The following MYO9A variants were observed in gnomAD, a reference collection of about 807,000 sequenced individuals.
MYO9A encodes unconventional myosin-IXa.
A neutral mutation model predicts 293.3 loss-of-function variants in MYO9A; 103 were observed. The ratio of observed to expected loss-of-function variants is 0.35; its 90% CI spans 0.30 to 0.41. The LOEUF (loss-of-function observed/expected upper bound fraction) is 0.41, where lower values mean the gene tolerates loss of function less well. MYO9A is among the 10% of genes least tolerant of loss of function. The probability of loss-of-function intolerance (pLI) is 1.00; values close to 1 mark genes in which losing one functional copy is unlikely to be tolerated. For missense variants in MYO9A, 2,685 were observed against 3,033.0 expected (o/e 0.89, Z 2.69); for synonymous variants, 1,001 against 1,035.7 (o/e 0.97, Z 0.64).
intron 39 of MYO9A, among the ~76,000 whole-genome samples, chr15:71,845,943 C>T (rs1448428311): frequency 1.3e-5 from 2 of 152,062 alleles, no homozygotes; most frequent in South Asian, 2.1e-4. Flanking sequence ...TTCTTGAGTA[C>T]GTGGTTTGAA....
chr15:71,826,456 A>G lies in MYO9A; in HGVS notation c.*124T>C. On this transcript the variant is annotated 3_prime_UTR_variant, in exon 42 of 42. Coordinates refer to ENST00000356056, the MANE Select transcript of MYO9A (RefSeq NM_006901.4). ...ATTCAGCACATACAGTCTTAGCCAT[A>G]TGCTTAGAAAAGAGGCAGGACCACA... 2 of 948,790 alleles carry G rather than the reference A, an allele frequency of 2.1e-6. No individual in the cohort carries two copies. The highest frequency in any genetic ancestry group is 2.5e-5 in the East Asian group (1 of 39,702). The allele number at this position is 948,790 out of a possible 1,614,324, so 58.8% of individuals were successfully genotyped here. A position where few individuals can be genotyped will look rare whatever the true frequency, so the allele number is the denominator to read the frequency against.
rs1422231204 is a variant in MYO9A, at chr15:72,010,372, A to C, written c.1231T>G (p.Phe411Val). Residue 411 changes from phenylalanine (F) to valine (V), a missense_variant, in exon 7 of 42, where the codon TTT (phenylalanine) becomes GTT (valine). This residue lies in a region of MYO9A where 289 missense variants were observed against 456.8 expected (regional missense o/e 0.63). Coordinates refer to ENST00000356056, the MANE Select transcript of MYO9A (RefSeq NM_006901.4). ...RLQLAMEMVG[F>V]LPKTRRQIFS... ...CACTGTCTTCGTGTCTTGGGAAGAA[A>C]TCCTACCATTTCCATGGCAAGTTGT... is the stretch of plus-strand genomic sequence containing the variant. The C allele has an allele frequency of 6.2e-7, 1 of 1,613,610 alleles. No homozygotes were observed. The highest frequency in any genetic ancestry group is 1.1e-5 in the South Asian group (1 of 91,010).
intron 1 of MYO9A, among the ~76,000 whole-genome samples, chr15:72,057,746 C>T (rs2078762367): frequency 6.6e-6 from 1 of 152,198 alleles, no homozygotes; most frequent in African/African-American, 2.4e-5. Context: ...TAAAAGAAGG[C>T]TCTGCAATAA....
Position 71,979,231 on chromosome 15 carries a change from G to A in MYO9A, c.1723-939C>T, listed in dbSNP as rs896750424. On this transcript the variant is annotated intron_variant, in intron 11 of 41. Transcript: ENST00000356056. ...AACTATAGTTACTCTAACTAGGAAA[G>A]GTAAATACTTAATTCTTTTCTTTTA... 4.6e-5 allele frequency among the ~76,000 whole-genome samples: 7 copies of A among 151,806 alleles called. No individual in the cohort carries two copies. In the South Asian group the frequency reaches 6.3e-4, roughly 14 times the overall value.
At chr15:71,999,510 A>T (rs1028319184) in intron 9 of MYO9A, among the ~76,000 whole-genome samples, 1 of 152,160 alleles carries the variant, frequency 6.6e-6, no homozygotes, top group African/African-American at 2.4e-5. Flanking sequence ...ATGATGTGCT[A>T]GAAGAAACTG....
At chr15:71,959,563 A>G in intron 14 of MYO9A, 1 of 184,860 alleles carries the variant, frequency 5.4e-6, no homozygotes, top group Non-Finnish European at 1.1e-5. Context: ...TTGAAGGGGG[A>G]GGCATACAGA....
chr15:71,956,330 A>AAAAAATATATATATATATAT (rs10642655), intron 14 of MYO9A, among the ~76,000 whole-genome samples: 2 of 75,584 alleles, frequency 2.6e-5, no homozygotes, highest in Non-Finnish European at 4.6e-5. Flanking sequence ...AAAAAAAAAA[A>AAAAAATATATATATATATAT]ATATATATAT....
At chr15:72,099,903 T>C (rs8038968) in intron 1 of MYO9A, among the ~76,000 whole-genome samples, 112,956 of 121,598 alleles carry the variant, frequency 0.93, 53,194 homozygotes, top group South Asian at 1. Flanking sequence ...GAGCAAGACT[T>C]GGTCTCAAAA....
intron 1 of MYO9A, among the ~76,000 whole-genome samples, chr15:72,085,346 T>C (rs2079683625): frequency 2.0e-5 from 3 of 151,644 alleles, no homozygotes; most frequent in African/African-American, 7.3e-5. Context: ...TGAGCCAAGA[T>C]TGAGCCACTG....
chr15:71,872,169 C>T (rs1239503193), intron 32 of MYO9A, among the ~76,000 whole-genome samples: 1 of 151,524 alleles, frequency 6.6e-6, no homozygotes, highest in African/African-American at 2.4e-5. Flanking sequence ...CATAATGGCA[C>T]AAAAAGATTG....
chr15:71,934,085 T>TA (rs1051707710), intron 17 of MYO9A, among the ~76,000 whole-genome samples: 3 of 152,082 alleles, frequency 2.0e-5, no homozygotes, highest in African/African-American at 4.8e-5. Context: ...TCATAAATTT[T>TA]AAAAAAACGT....
At chr15:72,058,923 T>A (rs1191327453) in intron 1 of MYO9A, among the ~76,000 whole-genome samples, 1 of 152,200 alleles carries the variant, frequency 6.6e-6, no homozygotes, top group Admixed American at 6.5e-5. Context: ...TGTGCAGTGT[T>A]CTGCAGTGTG....
Position 71,893,314 on chromosome 15 carries a change from C to T in MYO9A, c.5142+365G>A, listed in dbSNP as rs535435758. On this transcript the variant is annotated intron_variant, in intron 26 of 41. Coordinates refer to ENST00000356056, the MANE Select transcript of MYO9A (RefSeq NM_006901.4). ...CCTCCACCCAACCATGCCCTTTCCA[C>T]TAGCAGAAGTGACAGGGATGACCAA... The T allele has an allele frequency of 8.8e-5, 53 of 601,516 alleles. No homozygotes were observed. In the African/African-American group the frequency reaches 9.7e-4, roughly 11 times the overall value. The allele number at this position is 601,516 out of a possible 1,614,324, so 37.3% of individuals were successfully genotyped here. A position where few individuals can be genotyped will look rare whatever the true frequency, so the allele number is the denominator to read the frequency against.
Position 71,991,146 on chromosome 15 carries a change from C to T in MYO9A, c.1679G>A (p.Arg560His), listed in dbSNP as rs752228057. ...ATGCTGATTAAAGTAGTGCTGTAAA[C>T]GTTCATTAGCAAAATTAATACAGAA... ...EQFCINFANE[R>H]LQHYFNQHIF... The change falls in exon 11 of 42, where the codon CGT (arginine) becomes CAT (histidine). Residue 560 changes from arginine (R) to histidine (H), a missense_variant. Physicochemically the swap from Arg to His is conservative, Grantham distance 29. Coordinates refer to ENST00000356056, the MANE Select transcript of MYO9A (RefSeq NM_006901.4). 5.6e-6 allele frequency: 9 copies of T among 1,607,320 alleles called. No individual in the cohort carries two copies. Among genetic ancestry groups the T allele is most frequent in the Admixed American group, 3.4e-5 (2 of 58,912 alleles).
chr15:72,023,714 GA>G (rs2077575584), intron 4 of MYO9A, among the ~76,000 whole-genome samples: 1 of 130,862 alleles, frequency 7.6e-6, no homozygotes, highest in East Asian at 2.3e-4. Flanking sequence ...AAAAAAAAAA[GA>G]AAAGAAAAAA....
intron 1 of MYO9A, among the ~76,000 whole-genome samples, chr15:72,099,888 T>G (rs1596568503): frequency 8.8e-6 from 1 of 113,254 alleles, no homozygotes; most frequent in African/African-American, 3.5e-5. Context: ...CCAGCCTGGG[T>G]GACAGAGCAA....
chr15:71,968,879 T>C (rs1278778338), intron 12 of MYO9A, among the ~76,000 whole-genome samples: 1 of 152,172 alleles, frequency 6.6e-6, no homozygotes, highest in Non-Finnish European at 1.5e-5. Flanking sequence ...CATTTAATGG[T>C]AGCTGAAATA....
At chr15:72,026,291 A>G (rs1199399641) in intron 4 of MYO9A, among the ~76,000 whole-genome samples, 2 of 145,996 alleles carry the variant, frequency 1.4e-5, no homozygotes, top group African/African-American at 2.5e-5. Context: ...AAAAAAAAAA[A>G]AAAAAGAAAG....
At chr15:71,958,051 A>T (rs1413848545) in intron 14 of MYO9A, among the ~76,000 whole-genome samples, 2 of 152,122 alleles carry the variant, frequency 1.3e-5, no homozygotes, top group Non-Finnish European at 2.9e-5. Context: ...TTTAATTAAG[A>T]TATCATCAAA....
Sources: allele counts gnomAD v4.1 joint callset (sites outside exome capture counted in the v4.1 genomes callset), GRCh38; gene constraint gnomAD v4.1.1; regional missense constraint gnomAD v4.1.1; transcripts MANE v1.5; gene names NCBI Gene and HGNC (gene_info 2026-07-23, HGNC 2026-07-21).